Variants in FBXO25 observed in about 807,000 individuals in gnomAD.
FBXO25 encodes the protein F-box only protein 25.
FBXO25 carries 45 observed loss-of-function variants against 51.9 expected under a neutral mutation model. The observed-to-expected ratio is 0.87, with a 90% CI of 0.68 to 1.11. The LOEUF is 1.11. Ranked by LOEUF, FBXO25 falls within the 50% of genes most tolerant of loss-of-function variation. The pLI is 0.00. For synonymous variants in FBXO25, 199 were observed against 151.0 expected (o/e 1.32, Z -2.33); for missense variants, 507 against 428.5 (o/e 1.18, Z -1.62).
In FBXO25 at chr8:462,643, G is replaced by T. The variant is rs1405410639; in HGVS notation, c.844-364G>T. Among the ~76,000 whole-genome samples the T allele has an allele frequency of 5.9e-5, 9 of 152,184 alleles. No individual in the cohort carries two copies. The East Asian group carries it at 1.4e-3, about 23-fold the overall frequency. Reference sequence around the variant, plus strand: ...CATTATTCTAAGTAAAATAACTTAGGAATGGAAAACCAAATATCATATGTT... The same window carrying T: ...CATTATTCTAAGTAAAATAACTTAGTAATGGAAAACCAAATATCATATGTT... On this transcript the variant is annotated intron_variant, in intron 8 of 9. Transcript: ENST00000350302.
intron 7 of FBXO25, among the ~76,000 whole-genome samples, chr8:454,458 C>A (rs1025198963): frequency 2.0e-5 from 3 of 152,164 alleles, no homozygotes; most frequent in African/African-American, 7.2e-5. Context: ...GCAGGCGTAG[C>A]CTTTAGCATG....
intron 8 of FBXO25, among the ~76,000 whole-genome samples, chr8:459,079 G>C (rs980898454): frequency 3.9e-5 from 6 of 152,216 alleles, no homozygotes; most frequent in Admixed American, 6.5e-5. Context: ...AGGGTGGTCT[G>C]CTTATTCCTC....
intron 5 of FBXO25, among the ~76,000 whole-genome samples, chr8:446,835 A>G (rs575245445): frequency 6.6e-6 from 1 of 152,266 alleles, no homozygotes; most frequent in East Asian, 1.9e-4. Flanking sequence ...TAATTGTCAC[A>G]TTTATAATGT....
chr8:437,800 T>TC (rs1798191641), intron 5 of FBXO25, among the ~76,000 whole-genome samples: 3 of 151,960 alleles, frequency 2.0e-5, no homozygotes, highest in Non-Finnish European at 4.4e-5. Flanking sequence ...AGGTATTTGG[T>TC]ATTTTTTTGC....
intron 4 of FBXO25, among the ~76,000 whole-genome samples, chr8:433,651 A>C (rs984779671): frequency 6.6e-6 from 1 of 152,168 alleles, no homozygotes; most frequent in Non-Finnish European, 1.5e-5. Flanking sequence ...CGGGAAGTTG[A>C]GTTCCTTTTA....
intron 9 of FBXO25, 41 bp from the exon 10 acceptor site, chr8:468,674 G>T: frequency 6.5e-7 from 1 of 1,548,318 alleles, no homozygotes; most frequent in Non-Finnish European, 8.9e-7. Context: ...AGTGTGGCTG[G>T]TGGTGGGGCC....
rs1446421362 is a variant in FBXO25 at position 475,965 on chromosome 8, T to G, written c.*7161T>G. ...AGACAGGGTATTTCTGTGTTGTTCT[T>G]GATCTTAAAGTCCTTTCAGTCTTAT... On this transcript the variant is annotated 3_prime_UTR_variant, in exon 10 of 10. Transcript: ENST00000350302. The G allele has an allele frequency of 1.3e-5, 2 of 152,222 alleles. No homozygotes were observed. Among genetic ancestry groups the G allele is most frequent in the Non-Finnish European group, 1.5e-5 (1 of 68,024 alleles). 9.4% of individuals were successfully genotyped at this position (152,222 alleles called of 1,614,324 possible).
At chr8:438,602 GC>G (rs1311827200) in intron 5 of FBXO25, among the ~76,000 whole-genome samples, 6 of 152,128 alleles carry the variant, frequency 3.9e-5, no homozygotes, top group Non-Finnish European at 7.4e-5. Flanking sequence ...GCATAAAATG[GC>G]CCCACCTTTT....
At chr8:462,839 C>T (rs1387605876) in intron 8 of FBXO25, among the ~76,000 whole-genome samples, 168 bp from the exon 9 acceptor site, 1 of 152,132 alleles carries the variant, frequency 6.6e-6, no homozygotes, top group Non-Finnish European at 1.5e-5. Flanking sequence ...TCCCAGACTT[C>T]AGCACTGTAC....
chr8:429,215 T>TA (rs1263531762), intron 2 of FBXO25, among the ~76,000 whole-genome samples: 1 of 152,148 alleles, frequency 6.6e-6, no homozygotes, highest in African/African-American at 2.4e-5. Context: ...TAGTTTCTTT[T>TA]TTTTTAATTT....
intron 5 of FBXO25, among the ~76,000 whole-genome samples, chr8:438,439 A>C (rs535784324): frequency 6.6e-6 from 1 of 152,344 alleles, no homozygotes. Context: ...ATCAATAATT[A>C]CTACACAGTC....
At chr8:437,948 A>G (rs974882718) in intron 5 of FBXO25, among the ~76,000 whole-genome samples, 3 of 152,174 alleles carry the variant, frequency 2.0e-5, no homozygotes, top group African/African-American at 2.4e-5. Context: ...ACCTATAAAT[A>G]AGAAATGTAG....
At chr8:464,634 G>A (rs977986281) in intron 9 of FBXO25, among the ~76,000 whole-genome samples, 26 of 152,122 alleles carry the variant, frequency 1.7e-4, no homozygotes, top group African/African-American at 5.6e-4. Flanking sequence ...CTAGGTTGTC[G>A]GAAAGAGACA....
Position 471,565 on chromosome 8 carries a change from C to G in FBXO25, c.*2761C>G, listed in dbSNP as rs993708086. Reference sequence around the variant, plus strand: ...TAGTAAGTTTCACTTGCCCATCGCTCCTGTGAAAGGCAATGCCAGACACTC... The same window carrying G: ...TAGTAAGTTTCACTTGCCCATCGCTGCTGTGAAAGGCAATGCCAGACACTC... On this transcript the variant is annotated 3_prime_UTR_variant, in exon 10 of 10. Transcript: ENST00000350302. 1.3e-5 allele frequency: 2 copies of G among 152,188 alleles called. No homozygotes were observed. The allele number at this position is 152,188 out of a possible 1,614,324, so 9.4% of individuals were successfully genotyped here.
chr8:468,465 C>G (rs527683906), intron 9 of FBXO25, among the ~76,000 whole-genome samples: 1 of 152,114 alleles, frequency 6.6e-6, no homozygotes, highest in Non-Finnish European at 1.5e-5. Context: ...GTACCAGATT[C>G]GGCACTGGAG....
chr8:423,721 C>G (rs1287159066), intron 2 of FBXO25, among the ~76,000 whole-genome samples: 1 of 152,170 alleles, frequency 6.6e-6, no homozygotes, highest in Non-Finnish European at 1.5e-5. Context: ...GATTCTGTGT[C>G]TTTACTATTG....
At chr8:462,413 TTTTAA>T (rs1454021360) in intron 8 of FBXO25, among the ~76,000 whole-genome samples, 13 of 120,014 alleles carry the variant, frequency 1.1e-4, no homozygotes, top group East Asian at 4.9e-4. Flanking sequence ...GTGTAGCTTA[TTTTAA>T]TTTAATAATA....
chr8:471,632 C>A lies in FBXO25; in HGVS notation c.*2828C>A, dbSNP rs1172928740. 1 of 152,230 alleles carries A rather than the reference C, an allele frequency of 6.6e-6. No homozygotes were observed. Among genetic ancestry groups the A allele is most frequent in the Non-Finnish European group, 1.5e-5 (1 of 68,036 alleles). 9.4% of individuals were successfully genotyped at this position (152,230 alleles called of 1,614,324 possible). ...AGTCATTCTCGGACCTGTTCTCAGT[C>A]TGCGCTGCTCACTCAGGGCTGGTGT... On this transcript the variant is annotated 3_prime_UTR_variant, in exon 10 of 10. Coordinates refer to ENST00000350302, the MANE Select transcript of FBXO25 (RefSeq NM_183420.2).
chr8:412,381 C>T (rs1259807711), intron 1 of FBXO25, among the ~76,000 whole-genome samples: 1 of 152,182 alleles, frequency 6.6e-6, no homozygotes, highest in Non-Finnish European at 1.5e-5. Flanking sequence ...AGTCTCTGCT[C>T]TTCTGTTTAT....
Sources: gnomAD v4.1 joint callset for allele counts (sites outside exome capture counted in the v4.1 genomes callset) on GRCh38, gnomAD v4.1.1 for gene constraint, MANE v1.5 for transcripts, NCBI Gene and HGNC (gene_info 2026-07-23, HGNC 2026-07-21) for gene names.